The following SHC3 variants were observed in gnomAD, a reference collection of about 807,000 sequenced individuals.
The protein encoded by SHC3 is SHC-transforming protein 3.
Under a neutral mutation model 60.4 loss-of-function variants are expected in SHC3, and 15 were observed. The ratio of observed to expected loss-of-function variants is 0.25; its 90% CI spans 0.17 to 0.38. The LOEUF (loss-of-function observed/expected upper bound fraction) is 0.38, where lower values mean the gene tolerates loss of function less well. SHC3 is among the 10% of genes least tolerant of loss of function. The pLI, the probability that SHC3 is intolerant of heterozygous loss-of-function variation, is 1.00. For missense variants in SHC3, 677 were observed against 786.1 expected (o/e 0.86, Z 1.66); for synonymous variants, 294 against 325.9 (o/e 0.90, Z 1.05).
rs566181415 is a variant in SHC3, at chr9:89,035,413, G to A, written c.1656+2580C>T. Among the ~76,000 whole-genome samples the A allele has an allele frequency of 4.0e-4, 61 of 152,266 alleles. No individual in the cohort carries two copies. In the South Asian group the frequency reaches 0.012, roughly 31 times the overall value. On this transcript the variant is annotated intron_variant, in intron 11 of 11. Transcript: ENST00000375835. The stretch of plus-strand genomic sequence containing the variant: ...AGCTCAGTAAAACGGTTTAGAAAAA[G>A]GAGAATCAAGAGGAAGGACTCACAC...
rs142955167 is a variant in SHC3, at chr9:89,042,302, A to G, written c.1202-118T>C. Reference sequence around the variant, plus strand: ...GGGAAACCTCCTCCTTCGGATTCCTATGGGTGATATTCTCCTCTTCTGAGC... The same window carrying G: ...GGGAAACCTCCTCCTTCGGATTCCTGTGGGTGATATTCTCCTCTTCTGAGC... On this transcript the variant is annotated intron_variant, in intron 9 of 11. Transcript: ENST00000375835. 3.7e-4 allele frequency: 414 copies of G among 1,111,916 alleles called. 2 individuals are homozygous for G. The African/African-American group carries it at 5.8e-3, about 16-fold the overall frequency. The allele number at this position is 1,111,916 out of a possible 1,614,324, so 68.9% of individuals were successfully genotyped here.
intron 11 of SHC3, among the ~76,000 whole-genome samples, chr9:89,033,334 T>C (rs1291757986): frequency 3.3e-5 from 5 of 152,206 alleles, no homozygotes; most frequent in Non-Finnish European, 7.4e-5. Flanking sequence ...TAACTAGATT[T>C]TAGCTTTTTG....
In SHC3 at chr9:89,011,244, A is replaced by T. The variant is rs2118625727; in HGVS notation, c.*2203T>A. 1 of 152,272 alleles carries T rather than the reference A, an allele frequency of 6.6e-6. No homozygotes were observed. The highest frequency in any genetic ancestry group is 6.5e-5 in the Admixed American group (1 of 15,298). The allele number at this position is 152,272 out of a possible 1,614,324, so 9.4% of individuals were successfully genotyped here. A position where few individuals can be genotyped will look rare whatever the true frequency, so the allele number is the denominator to read the frequency against. On this transcript the variant is annotated 3_prime_UTR_variant, in exon 12 of 12. Coordinates refer to ENST00000375835, the MANE Select transcript of SHC3 (RefSeq NM_016848.6). Reference sequence around the variant, plus strand: ...GCAAAAAATATATATATTTTCTATCACCATCGAACTAGACACTGACTTCAC... The same window carrying T: ...GCAAAAAATATATATATTTTCTATCTCCATCGAACTAGACACTGACTTCAC...
In SHC3 at chr9:89,093,137, C is replaced by G. The variant is rs1226704357; in HGVS notation, c.546-15234G>C. ...TTTAACCTTATAATAAACAGTCCAC[C>G]TGTTTTCATAAGCACCTGTACAATT... On this transcript the variant is annotated intron_variant, in intron 2 of 11. Coordinates refer to ENST00000375835, the MANE Select transcript of SHC3 (RefSeq NM_016848.6). 2.0e-5 allele frequency among the ~76,000 whole-genome samples: 3 copies of G among 152,206 alleles called. No homozygotes were observed. The East Asian group carries it at 5.8e-4, about 29-fold the overall frequency.
chr9:89,081,839 C>T (rs1825449066), intron 2 of SHC3, among the ~76,000 whole-genome samples: 1 of 152,144 alleles, frequency 6.6e-6, no homozygotes, highest in Non-Finnish European at 1.5e-5. Flanking sequence ...TAAGGCCTGC[C>T]TAGGGAACCT....
chr9:89,082,738 G>A lies in SHC3; in HGVS notation c.546-4835C>T, dbSNP rs9410312. Among the ~76,000 whole-genome samples the A allele has an allele frequency of 1.9e-3, 285 of 152,242 alleles. 8 individuals are homozygous for A. The highest frequency in any genetic ancestry group is 2.4e-3 in the Non-Finnish European group (161 of 68,004). On this transcript the variant is annotated intron_variant, in intron 2 of 11. Transcript: ENST00000375835. Reference sequence around the variant, plus strand: ...CTGTTGGAGTCCTCCTATGCCCCACGGACCCCAGGCAAACTTTACCAGAGT... The same window carrying A: ...CTGTTGGAGTCCTCCTATGCCCCACAGACCCCAGGCAAACTTTACCAGAGT...
chr9:89,060,131 C>CGTGGTGGAGGGCG (rs1194295722), intron 6 of SHC3, among the ~76,000 whole-genome samples: 1 of 127,868 alleles, frequency 7.8e-6, no homozygotes, highest in Non-Finnish European at 1.6e-5. Context: ...TGGTGTAGGA[C>CGTGGTGGAGGGCG]GTGGTGGAGG....
chr9:89,089,223 G>T (rs1461042810), intron 2 of SHC3, among the ~76,000 whole-genome samples: 1 of 152,158 alleles, frequency 6.6e-6, no homozygotes, highest in Non-Finnish European at 1.5e-5. Context: ...CAATATTTGT[G>T]TATTTCTATG....
intron 1 of SHC3, among the ~76,000 whole-genome samples, chr9:89,122,899 T>C (rs1375467689): frequency 2.0e-5 from 3 of 152,164 alleles, no homozygotes; most frequent in Non-Finnish European, 2.9e-5. Flanking sequence ...ACCAATACTA[T>C]GGCGCCAGCT....
chr9:89,108,478 A>G (rs147452115), intron 2 of SHC3, among the ~76,000 whole-genome samples: 1 of 152,228 alleles, frequency 6.6e-6, no homozygotes, highest in African/African-American at 2.4e-5. Context: ...CCAAGATTGC[A>G]CCATTGCATT....
chr9:89,045,678 C>T, intron 9 of SHC3, 68 bp downstream of exon 9: 1 of 1,431,350 alleles, frequency 7.0e-7, no homozygotes, highest in Non-Finnish European at 9.7e-7. Context: ...ATAGGCGACC[C>T]AGTGGTGAGC....
chr9:89,059,455 C>T (rs1292846441), intron 6 of SHC3, among the ~76,000 whole-genome samples: 4 of 115,636 alleles, frequency 3.5e-5, no homozygotes, highest in Admixed American at 9.2e-5. Flanking sequence ...GGTGTTAGGA[C>T]GTGGGGGAGG....
intron 4 of SHC3, among the ~76,000 whole-genome samples, chr9:89,071,816 C>G (rs771203811): frequency 6.6e-6 from 1 of 152,184 alleles, no homozygotes; most frequent in Non-Finnish European, 1.5e-5. Context: ...CTTGAAACAG[C>G]CTTCTTAACA....
intron 11 of SHC3, among the ~76,000 whole-genome samples, chr9:89,026,386 C>T (rs1826303094): frequency 6.6e-6 from 1 of 152,076 alleles, no homozygotes; most frequent in African/African-American, 2.4e-5. Flanking sequence ...TTAACCCAGA[C>T]ATTCCCTTCT....
intron 1 of SHC3, among the ~76,000 whole-genome samples, chr9:89,143,660 A>AT (rs945801918): frequency 3.9e-5 from 6 of 151,924 alleles, no homozygotes; most frequent in South Asian, 2.1e-4. Flanking sequence ...TATAACAGAA[A>AT]TTTTTTTTGT....
intron 11 of SHC3, among the ~76,000 whole-genome samples, chr9:89,031,385 T>A (rs1033258674): frequency 1.3e-5 from 2 of 152,164 alleles, no homozygotes; most frequent in African/African-American, 4.8e-5. Context: ...AGCTATCACC[T>A]CCCTGTCCTC....
chr9:89,010,086 C>T lies in SHC3; in HGVS notation c.*3361G>A, dbSNP rs1825996395. Reference sequence around the variant, plus strand: ...CTTTATTAGAAATTACCCACAACTTCCTCCACCTCCAGGAGGCCCTAAAGA... The same window carrying T: ...CTTTATTAGAAATTACCCACAACTTTCTCCACCTCCAGGAGGCCCTAAAGA... On this transcript the variant is annotated 3_prime_UTR_variant, in exon 12 of 12. Transcript: ENST00000375835. 1 of 152,294 alleles carries T rather than the reference C, an allele frequency of 6.6e-6. No individual in the cohort carries two copies. Among genetic ancestry groups the T allele is most frequent in the Non-Finnish European group, 1.5e-5 (1 of 68,078 alleles). The allele number at this position is 152,294 out of a possible 1,614,324, so 9.4% of individuals were successfully genotyped here. A position where few individuals can be genotyped will look rare whatever the true frequency, so the allele number is the denominator to read the frequency against.
Position 89,178,472 on chromosome 9 carries a change from G to A in SHC3, c.-12C>T, listed in dbSNP as rs2118287225. On this transcript the variant is annotated 5_prime_UTR_variant, in exon 1 of 12. Transcript: ENST00000375835. The surrounding 1 kb of genome is among the most constrained non-coding windows in gnomAD (Gnocchi z 6.9). ...GTGCGTGGAAGCATGCCCCTCCGTG[G>A]GCTCGCTGCATCCGCCCGGGCGCTG... 6 of 1,428,902 alleles carry A rather than the reference G, an allele frequency of 4.2e-6. No homozygotes were observed. The East Asian group carries it at 1.4e-4, about 33-fold the overall frequency. The allele number at this position is 1,428,902 out of a possible 1,614,324, so 88.5% of individuals were successfully genotyped here. A position where few individuals can be genotyped will look rare whatever the true frequency, so the allele number is the denominator to read the frequency against.
intron 2 of SHC3, among the ~76,000 whole-genome samples, chr9:89,102,558 A>G (rs1417628333): frequency 6.6e-6 from 1 of 152,222 alleles, no homozygotes; most frequent in East Asian, 1.9e-4. Context: ...AACTGATTCT[A>G]AGTGATATGA....
Sources: allele counts gnomAD v4.1 joint callset (sites outside exome capture counted in the v4.1 genomes callset), GRCh38; gene constraint gnomAD v4.1.1; non-coding constraint Gnocchi (gnomAD v3.1); transcripts MANE v1.5; gene names NCBI Gene and HGNC (gene_info 2026-07-23, HGNC 2026-07-21).